Variants in DLGAP2 observed in about 807,000 individuals in gnomAD.
DLGAP2 encodes the protein DLG associated protein 2, also known as disks large-associated protein 2.
A neutral mutation model predicts 100.3 loss-of-function variants in DLGAP2; 26 were observed. The ratio of observed to expected loss-of-function variants is 0.26; its 90% confidence interval spans 0.19 to 0.36. DLGAP2 has a LOEUF of 0.36. Among genes scored for constraint, DLGAP2 ranks in the 10% least tolerant of loss-of-function variants. The pLI is 1.00. For synonymous variants in DLGAP2, 886 were observed against 630.1 expected (o/e 1.41, Z -6.08); for missense variants, 1,858 against 1,453.2 (o/e 1.28, Z -4.53).
intron 12 of DLGAP2, among the ~76,000 whole-genome samples, chr8:1,688,980 C>T (rs1010770870): frequency 7.2e-5 from 11 of 152,184 alleles, no homozygotes; most frequent in Admixed American, 5.2e-4. Flanking sequence ...GAAAGTCGGG[C>T]TAAGGAGGAG....
intron 1 of DLGAP2, among the ~76,000 whole-genome samples, chr8:829,447 A>G (rs567179048): frequency 1.3e-5 from 2 of 152,280 alleles, no homozygotes; most frequent in Admixed American, 6.5e-5. Flanking sequence ...ATGAATACCC[A>G]TCGTGTTTAT....
intron 3 of DLGAP2, among the ~76,000 whole-genome samples, chr8:1,287,939 CGTGTGT>C (rs1182048644): frequency 2.9e-5 from 2 of 69,880 alleles, no homozygotes; most frequent in East Asian, 1.0e-3. Flanking sequence ...TTTGGTTCAG[CGTGTGT>C]GTGTGTGTGT....
intron 2 of DLGAP2, among the ~76,000 whole-genome samples, chr8:1,108,838 T>A (rs1804863092): frequency 7.6e-6 from 1 of 130,948 alleles, no homozygotes; most frequent in African/African-American, 3.0e-5. Flanking sequence ...GCCTATGAAG[T>A]GTGCTGGGTC....
intron 2 of DLGAP2, among the ~76,000 whole-genome samples, chr8:1,202,579 G>A (rs12681607): frequency 2.6e-5 from 4 of 152,198 alleles, no homozygotes; most frequent in East Asian, 1.9e-4. Context: ...GGAGATGGGA[G>A]GTGTGGAGAC....
chr8:975,851 C>T (rs2174095), intron 2 of DLGAP2, among the ~76,000 whole-genome samples: 1 of 151,968 alleles, frequency 6.6e-6, no homozygotes, highest in African/African-American at 2.4e-5. Context: ...GAAGTTTGAG[C>T]AAATGCAATG....
In DLGAP2 at chr8:899,453, G is replaced by A. The variant is rs548829399; in HGVS notation, c.19-8459G>A. ...CAGGATACCGGCCCTGCATGCAGAG[G>A]CATGGGTGTTACACGGGGTACATGA... On this transcript the variant is annotated intron_variant, in intron 1 of 14. Coordinates refer to ENST00000637795, the MANE Select transcript of DLGAP2 (RefSeq NM_001346810.2). Among the ~76,000 whole-genome samples, 6 of 152,344 alleles carry A rather than the reference G, an allele frequency of 3.9e-5. No individual in the cohort carries two copies. In the East Asian group the frequency reaches 1.2e-3, roughly 29 times the overall value.
At chr8:1,290,078 T>C (rs761811011) in intron 3 of DLGAP2, among the ~76,000 whole-genome samples, 2 of 152,088 alleles carry the variant, frequency 1.3e-5, no homozygotes, top group Non-Finnish European at 2.9e-5. Context: ...ACGTGATTGG[T>C]GTTGGGAATT....
At chr8:1,509,849 C>G (rs768199590) in intron 4 of DLGAP2, among the ~76,000 whole-genome samples, 1 of 152,206 alleles carries the variant, frequency 6.6e-6, no homozygotes, top group Non-Finnish European at 1.5e-5. Context: ...CATCATTGCT[C>G]ATACGCTGTG....
intron 6 of DLGAP2, among the ~76,000 whole-genome samples, chr8:1,593,122 C>T (rs925899549): frequency 6.6e-6 from 1 of 152,072 alleles, no homozygotes; most frequent in Admixed American, 6.5e-5. Flanking sequence ...CAAACACAGC[C>T]GTTCAACAAT....
chr8:1,171,455 A>G (rs62488968), intron 2 of DLGAP2, among the ~76,000 whole-genome samples: 33,587 of 150,904 alleles, frequency 0.22, 3,910 homozygotes, highest in Middle Eastern at 0.36. Context: ...TTTCTGTCTC[A>G]TTGATCTGTC....
rs115609554 is a variant in DLGAP2 at position 1,385,991 on chromosome 8, G to A, written c.107-115375G>A. Among the ~76,000 whole-genome samples, 1,381 of 152,370 alleles carry A rather than the reference G, an allele frequency of 9.1e-3. 22 individuals carry two copies. Among genetic ancestry groups the A allele is most frequent in the African/African-American group, 0.031 (1,298 of 41,592 alleles). On this transcript the variant is annotated intron_variant, in intron 3 of 14. Coordinates refer to ENST00000637795, the MANE Select transcript of DLGAP2 (RefSeq NM_001346810.2). ...GAATCAATGAGATCTGAAGATTGGA[G>A]CAATTCCCAGGCAAGAGCTCCTAGG...
chr8:1,697,160 T>A lies in DLGAP2; in HGVS notation c.2810T>A (p.Met937Lys). 4 of 1,592,980 alleles carry A rather than the reference T, an allele frequency of 2.5e-6. No homozygotes were observed. Among genetic ancestry groups the A allele is most frequent in the Non-Finnish European group, 2.6e-6 (3 of 1,168,088 alleles). ...GTGTGTCCCCAGGACCCCAGCGCCA[T>A]GCCGAGGCCGACGTCGCAGGACCTG... ...LCQQNMDPSA[M>K]PRPTSQDLAG... is the part of the protein sequence containing the mutation. Residue 937 changes from methionine (M) to lysine (K), a missense_variant, in exon 14 of 15, where the codon ATG becomes AAG. Physicochemically the swap from Met to Lys is moderately conservative, Grantham distance 95. Coordinates refer to ENST00000637795, the MANE Select transcript of DLGAP2 (RefSeq NM_001346810.2).
At chr8:927,344 C>T (rs1034385590) in intron 2 of DLGAP2, 6 of 682,644 alleles carry the variant, frequency 8.8e-6, no homozygotes, top group Non-Finnish European at 7.2e-6. Flanking sequence ...TAAAAATGAC[C>T]GTGACTGTAG....
chr8:928,305 A>G (rs1798863595), intron 2 of DLGAP2, among the ~76,000 whole-genome samples: 1 of 151,790 alleles, frequency 6.6e-6, no homozygotes, highest in African/African-American at 2.4e-5. Flanking sequence ...TGTGTTCACT[A>G]GGCATCCTGG....
At chr8:1,220,432 T>G (rs1275699668) in intron 2 of DLGAP2, among the ~76,000 whole-genome samples, 1 of 152,208 alleles carries the variant, frequency 6.6e-6, no homozygotes, top group East Asian at 1.9e-4. Context: ...GTTCTTGGTG[T>G]TGATCTCTGT....
At chr8:1,389,747 G>A (rs186875018) in intron 3 of DLGAP2, among the ~76,000 whole-genome samples, 15 of 152,204 alleles carry the variant, frequency 9.9e-5, no homozygotes, top group East Asian at 9.7e-4. Flanking sequence ...TTAGGTGGCC[G>A]TGGAGCAGCT....
intron 3 of DLGAP2, among the ~76,000 whole-genome samples, chr8:1,442,243 AC>A (rs1797855387): frequency 1.9e-5 from 2 of 103,876 alleles, no homozygotes; most frequent in Non-Finnish European, 4.8e-5. Context: ...CCAGGCATAG[AC>A]CCGCCAGGCT....
chr8:913,644 T>C (rs1798534043), intron 2 of DLGAP2, among the ~76,000 whole-genome samples: 1 of 152,236 alleles, frequency 6.6e-6, no homozygotes, highest in African/African-American at 2.4e-5. Flanking sequence ...TCTTGACTAG[T>C]CCTGTAACTT....
At chr8:1,010,058 G>A (rs1029772271) in intron 2 of DLGAP2, among the ~76,000 whole-genome samples, 2 of 152,142 alleles carry the variant, frequency 1.3e-5, no homozygotes, top group South Asian at 2.1e-4. Context: ...TTTTAATATC[G>A]TGGTATCAGT....
Sources: gnomAD v4.1 joint callset for allele counts (sites outside exome capture counted in the v4.1 genomes callset) on GRCh38, gnomAD v4.1.1 for gene constraint, MANE v1.5 for transcripts, NCBI Gene and HGNC (gene_info 2026-07-23, HGNC 2026-07-21) for gene names.